The following USP25 variants were observed in gnomAD, a reference collection of about 807,000 sequenced individuals.
USP25 encodes ubiquitin specific peptidase 25.
USP25 carries 85 observed loss-of-function variants against 158.5 expected under a neutral mutation model. That is an observed-to-expected ratio of 0.54 (90% CI 0.45 to 0.64). The LOEUF is 0.64. Ranked by LOEUF, USP25 falls within the 30% of genes least tolerant of loss-of-function variation. USP25 has a pLI of 0.00. For synonymous variants in USP25, 464 were observed against 460.4 expected (o/e 1.01, Z -0.10); for missense variants, 1,242 against 1,327.3 (o/e 0.94, Z 1.00).
At position 15,878,452 on chromosome 21, in the gene USP25, C is replaced by T. The variant is rs750610065; in HGVS notation, c.3355C>T (p.Arg1119Ter). The T allele has an allele frequency of 2.1e-5, 34 of 1,613,796 alleles. No homozygotes were observed. The highest frequency in any genetic ancestry group is 1.2e-5 in the Non-Finnish European group (14 of 1,179,874). ...TGCCCGAATCATGTTGTCCCTCAGT[C>T]GAACTCCTGCTGATGGAAGATAAAC... ...RFARIMLSLS[R>*]TPADGR Residue 1119 changes from arginine to a stop codon, truncating the protein, a stop_gained, in exon 26 of 26, where the codon CGA becomes TGA. Coordinates refer to ENST00000400183, the MANE Select transcript of USP25 (RefSeq NM_001283041.3). LOFTEE classifies it high-confidence loss of function.
At chr21:15,855,225 T>C (rs896833009) in intron 20 of USP25, among the ~76,000 whole-genome samples, 2 of 152,178 alleles carry the variant, frequency 1.3e-5, no homozygotes, top group African/African-American at 4.8e-5. Context: ...AGTAATACTT[T>C]TGTATTATAA....
intron 18 of USP25, among the ~76,000 whole-genome samples, chr21:15,844,611 A>G (rs2038493949): frequency 1.3e-5 from 2 of 152,150 alleles, no homozygotes; most frequent in East Asian, 1.9e-4. Flanking sequence ...AATTAGAGAA[A>G]GTCTTCAAGT....
chr21:15,857,551 T>C (rs545363055), intron 20 of USP25, among the ~76,000 whole-genome samples: 6 of 152,286 alleles, frequency 3.9e-5, no homozygotes, highest in African/African-American at 1.4e-4. Flanking sequence ...AATTGGTATT[T>C]ATGTTGACTG....
chr21:15,738,550 G>T (rs2031737294), intron 1 of USP25, among the ~76,000 whole-genome samples: 1 of 152,148 alleles, frequency 6.6e-6, no homozygotes, highest in South Asian at 2.1e-4. Flanking sequence ...TTAAAAATTT[G>T]TTATTGGTGT....
Position 15,791,490 on chromosome 21 carries a change from C to T in USP25, c.393-12C>T. ...TTATATAATGCTGCATTTTTTTCCA[C>T]CATTGATTAAGAGTTCTTGAAGCCA... On this transcript the variant is annotated splice_polypyrimidine_tract_variant and intron_variant, in intron 4 of 25. Coordinates refer to ENST00000400183, the MANE Select transcript of USP25 (RefSeq NM_001283041.3). 6.3e-7 allele frequency: 1 copy of T among 1,585,608 alleles called. No homozygotes were observed. The highest frequency in any genetic ancestry group is 2.3e-5 in the East Asian group (1 of 44,250).
At chr21:15,829,507 T>G (rs895035407) in intron 14 of USP25, among the ~76,000 whole-genome samples, 5 of 152,172 alleles carry the variant, frequency 3.3e-5, no homozygotes, top group African/African-American at 1.2e-4. Flanking sequence ...TTTTTAGTAG[T>G]TTTTCACAAT....
rs751347986 is a variant in USP25 at position 15,791,613 on chromosome 21, C to G, written c.504C>G (p.Pro168=). 1.2e-6 allele frequency: 2 copies of G among 1,610,826 alleles called. No individual in the cohort carries two copies. The highest frequency in any genetic ancestry group is 3.3e-5 in the Admixed American group (2 of 59,782). The change falls in exon 5 of 26, where the codon CCC becomes CCG. Residue 168 remains proline (P), a synonymous_variant. Transcript: ENST00000400183. The part of the protein sequence containing the change: ...PYDRKRQDKA[P]VGLKNVGNTC... ...ATAGAAAAAGACAGGACAAAGCTCC[C>G]GTTGGGCTAAAGAATGTTGGCAATA...
intron 9 of USP25, 144 bp from the exon 10 acceptor site, chr21:15,818,554 A>G (rs749943247): frequency 7.8e-5 from 53 of 680,154 alleles, no homozygotes; most frequent in Non-Finnish European, 2.2e-5. Context: ...GTATAAACCA[A>G]CAGGAAAATT....
intron 19 of USP25, among the ~76,000 whole-genome samples, chr21:15,848,453 C>G (rs1022568463): frequency 6.6e-6 from 1 of 151,990 alleles, no homozygotes; most frequent in Non-Finnish European, 1.5e-5. Flanking sequence ...TTCCACTTTT[C>G]TCTTGAGACA....
At chr21:15,768,147 C>T (rs1474619277) in intron 3 of USP25, among the ~76,000 whole-genome samples, 2 of 152,080 alleles carry the variant, frequency 1.3e-5, no homozygotes, top group Non-Finnish European at 2.9e-5. Flanking sequence ...CTGATGTCAT[C>T]TCAACCGATT....
At chr21:15,825,756 T>C (rs1014206813) in intron 12 of USP25, among the ~76,000 whole-genome samples, 5 of 152,220 alleles carry the variant, frequency 3.3e-5, no homozygotes, top group African/African-American at 1.2e-4. Flanking sequence ...TAAAACTTCT[T>C]ACATCAAATA....
intron 1 of USP25, among the ~76,000 whole-genome samples, chr21:15,734,296 A>G (rs2031269583): frequency 6.6e-6 from 1 of 152,210 alleles, no homozygotes; most frequent in Non-Finnish European, 1.5e-5. Context: ...TTAAAATAAC[A>G]TGTATTTTCC....
chr21:15,741,812 A>G (rs186145983), intron 1 of USP25, among the ~76,000 whole-genome samples: 2 of 152,338 alleles, frequency 1.3e-5, no homozygotes, highest in East Asian at 3.9e-4. Flanking sequence ...GAGATTGCAC[A>G]ATTTTTTTTG....
intron 3 of USP25, among the ~76,000 whole-genome samples, chr21:15,768,505 G>C (rs941763240): frequency 6.6e-6 from 1 of 152,058 alleles, no homozygotes; most frequent in East Asian, 1.9e-4. Context: ...TTAAGTGACT[G>C]TGCAGTTACT....
At chr21:15,851,249 T>TTAAG (rs959311931) in intron 20 of USP25, among the ~76,000 whole-genome samples, 52 of 152,256 alleles carry the variant, frequency 3.4e-4, no homozygotes, top group African/African-American at 1.2e-3. Flanking sequence ...CTCATTTTTA[T>TTAAG]TAAGTTAATA....
At chr21:15,862,026 C>T (rs12106439) in intron 20 of USP25, among the ~76,000 whole-genome samples, 4,127 of 151,976 alleles carry the variant, frequency 0.027, 194 homozygotes, top group African/African-American at 0.092. Flanking sequence ...TAGAAATCTG[C>T]TATTTATTAA....
At chr21:15,842,253 A>C (rs2038370692) in intron 17 of USP25, 145 bp from the exon 18 acceptor site, 1 of 758,936 alleles carries the variant, frequency 1.3e-6, no homozygotes. Context: ...AAGAAGTGCT[A>C]TACGTGGAAA....
chr21:15,738,473 A>C (rs1213724677), intron 1 of USP25, among the ~76,000 whole-genome samples: 1 of 152,244 alleles, frequency 6.6e-6, no homozygotes, highest in Non-Finnish European at 1.5e-5. Flanking sequence ...AATTTAACAC[A>C]AAACTATTGT....
At chr21:15,767,385 T>C (rs1568778433) in intron 3 of USP25, among the ~76,000 whole-genome samples, 1 of 152,146 alleles carries the variant, frequency 6.6e-6, no homozygotes. Flanking sequence ...TCCTGGCCTC[T>C]AGCTAGGACC....
Sources: allele counts gnomAD v4.1 joint callset (sites outside exome capture counted in the v4.1 genomes callset), GRCh38; gene constraint gnomAD v4.1.1; transcripts MANE v1.5; gene names NCBI Gene and HGNC (gene_info 2026-07-23, HGNC 2026-07-21).